Variants in ZNF350 observed in about 807,000 individuals in gnomAD.
ZNF350 encodes KRAB zinc finger protein ZFQR.
A neutral mutation model predicts 13.1 loss-of-function variants in ZNF350; 5 were observed. That is an observed-to-expected ratio of 0.38 (90% CI 0.20 to 0.80). The LOEUF (loss-of-function observed/expected upper bound fraction) is 0.80. Among genes scored for constraint, ZNF350 ranks in the 30% least tolerant of loss-of-function variants. The pLI, the probability that ZNF350 is intolerant of heterozygous loss-of-function variation, is 0.43. For synonymous variants in ZNF350, 199 were observed against 224.2 expected, an observed-to-expected ratio of 0.89 and a Z score of 1.00; for missense variants, 534 against 644.2, an observed-to-expected ratio of 0.83 and a Z score of 1.85.
intron 1 of ZNF350, among the ~76,000 whole-genome samples, chr19:51,978,672 T>G (rs1013268154): frequency 9.9e-5 from 15 of 152,176 alleles, no homozygotes; most frequent in Non-Finnish European, 1.8e-4. Context: ...TGGGAGCTGA[T>G]GTGTCAGTCA....
In ZNF350 at chr19:51,974,326, AC is replaced by A; in HGVS notation, c.15+19del. Reference sequence around the variant, plus strand: ...ATTATGGAACAAAGGAAAGAATAAAACAAACCAAAAGTCAGTTACCTGGGCC... The same window carrying A: ...ATTATGGAACAAAGGAAAGAATAAAAAAACCAAAAGTCAGTTACCTGGGCC... On this transcript the variant is annotated intron_variant, in intron 2 of 4. Coordinates refer to ENST00000243644, the MANE Select transcript of ZNF350 (RefSeq NM_021632.4). 1 of 1,613,750 alleles carries A rather than the reference AC, an allele frequency of 6.2e-7. No individual in the cohort carries two copies. Among genetic ancestry groups the A allele is most frequent in the South Asian group, 1.1e-5 (1 of 91,038 alleles).
chr19:51,977,920 A>C (rs901352525), intron 1 of ZNF350, among the ~76,000 whole-genome samples: 2 of 152,220 alleles, frequency 1.3e-5, no homozygotes, highest in Admixed American at 6.5e-5. Context: ...TCAAACCCTA[A>C]AGTGGGAAAA....
rs2085647739 is a variant in ZNF350 at position 51,968,728 on chromosome 19, C to G, written c.143-55G>C. 8 of 1,553,152 alleles carry G rather than the reference C, an allele frequency of 5.2e-6. No individual in the cohort carries two copies. The Admixed American group carries it at 1.2e-4, about 23-fold the overall frequency. ...ACATATCAAATTGGGCTGGCAATGT[C>G]AAGAAGGAAGAATGTTACATTTCAA... On this transcript the variant is annotated intron_variant, in intron 3 of 4. Coordinates refer to ENST00000243644, the MANE Select transcript of ZNF350 (RefSeq NM_021632.4).
chr19:51,983,874 G>C (rs58116420), intron 1 of ZNF350, among the ~76,000 whole-genome samples: 47,710 of 152,130 alleles, frequency 0.31, 7,764 homozygotes, highest in South Asian at 0.56. Context: ...CTCTGTGTCT[G>C]ATTTCTTTTC....
At chr19:51,974,589 T>G (rs1036570268) in intron 1 of ZNF350, 58 bp from the exon 2 acceptor site, 1 of 523,700 alleles carries the variant, frequency 1.9e-6, no homozygotes, top group African/African-American at 1.9e-5. Flanking sequence ...GCCCAGATAC[T>G]GTCACTGCTG....
intron 4 of ZNF350, among the ~76,000 whole-genome samples, chr19:51,966,625 C>T (rs1313792669): frequency 6.6e-6 from 1 of 150,860 alleles, no homozygotes; most frequent in Non-Finnish European, 1.5e-5. Context: ...AATCCCGGCT[C>T]ACAGCCAAAG....
intron 4 of ZNF350, 67 bp from the exon 5 acceptor site, chr19:51,966,281 G>GTTTTTTTTTT (rs72177430): frequency 2.1e-6 from 3 of 1,409,164 alleles, no homozygotes; most frequent in African/African-American, 3.1e-5. Flanking sequence ...TGGTTTTTTT[G>GTTTTTTTTTT]TTTTTTTTGT....
intron 1 of ZNF350, among the ~76,000 whole-genome samples, chr19:51,985,805 G>C (rs2086148026): frequency 6.6e-6 from 1 of 152,106 alleles, no homozygotes; most frequent in African/African-American, 2.4e-5. Flanking sequence ...TCAGGAGTTC[G>C]AGACCAACCT....
chr19:51,979,376 A>G (rs1417980007), intron 1 of ZNF350, among the ~76,000 whole-genome samples: 2 of 152,178 alleles, frequency 1.3e-5, no homozygotes, highest in Admixed American at 6.5e-5. Context: ...TATCACGATC[A>G]GGGAGAGTGG....
intron 4 of ZNF350, among the ~76,000 whole-genome samples, chr19:51,967,681 C>T (rs933481743): frequency 3.3e-5 from 5 of 151,950 alleles, no homozygotes; most frequent in Admixed American, 1.3e-4. Context: ...TGGAAGTAGG[C>T]GGGAGTTGAG....
At position 51,965,898 on chromosome 19, in the gene ZNF350, G is replaced by A; in HGVS notation, c.555C>T (p.Ile185=). ...GACTGATGAATTGGGACTTAGTGCT[G>A]ATGAGTTTTTGACTTGCAGGGAATT... ...AIKFPASQKL[I]STKSQFISPK... is the part of the protein sequence containing the mutation. The change falls in exon 5 of 5, where the codon ATC becomes ATT. Residue 185 remains isoleucine (I), a synonymous_variant. Transcript: ENST00000243644. The A allele has an allele frequency of 6.2e-7, 1 of 1,614,118 alleles. No homozygotes were observed. The highest frequency in any genetic ancestry group is 8.5e-7 in the Non-Finnish European group (1 of 1,180,034).
intron 2 of ZNF350, among the ~76,000 whole-genome samples, chr19:51,971,729 C>T (rs1329406863): frequency 1.3e-5 from 2 of 151,900 alleles, no homozygotes; most frequent in Non-Finnish European, 2.9e-5. Flanking sequence ...GGCCCTTGTC[C>T]ACTAGAGGCA....
intron 2 of ZNF350, among the ~76,000 whole-genome samples, chr19:51,972,232 G>T (rs1419642886): frequency 6.6e-6 from 1 of 150,698 alleles, no homozygotes; most frequent in Admixed American, 6.6e-5. Context: ...GAGGCAGGAG[G>T]ATTGCTTGAG....
chr19:51,970,597 T>A (rs1008309373), intron 2 of ZNF350, among the ~76,000 whole-genome samples: 8 of 152,182 alleles, frequency 5.3e-5, no homozygotes, highest in African/African-American at 1.9e-4. Context: ...GGCCTCCTAT[T>A]TTTCTGATGG....
At chr19:51,966,653 T>TG (rs983747026) in intron 4 of ZNF350, among the ~76,000 whole-genome samples, 2 of 150,812 alleles carry the variant, frequency 1.3e-5, no homozygotes, top group East Asian at 1.9e-4. Flanking sequence ...TGTTGTTTTT[T>TG]TTTTGTTTTT....
intron 1 of ZNF350, among the ~76,000 whole-genome samples, chr19:51,984,583 T>C (rs1422876541): frequency 1.3e-5 from 2 of 152,196 alleles, no homozygotes; most frequent in African/African-American, 4.8e-5. Flanking sequence ...AAAAGACATT[T>C]ACACAAATTT....
Position 51,968,991 on chromosome 19 carries a change from G to A in ZNF350, c.142+14C>T, listed in dbSNP as rs1168034434. 1 of 1,613,820 alleles carries A rather than the reference G, an allele frequency of 6.2e-7. No homozygotes were observed. Among genetic ancestry groups the A allele is most frequent in the Non-Finnish European group, 8.5e-7 (1 of 1,179,928 alleles). Reference sequence around the variant, plus strand: ...CTAGGCACCCTCTGAGTGACACAGGGCAGCTGTCCTCACCCACTGCCACCA... The same window carrying A: ...CTAGGCACCCTCTGAGTGACACAGGACAGCTGTCCTCACCCACTGCCACCA... On this transcript the variant is annotated intron_variant, in intron 3 of 4. Coordinates refer to ENST00000243644, the MANE Select transcript of ZNF350 (RefSeq NM_021632.4).
chr19:51,985,673 A>G (rs1442931141), intron 1 of ZNF350, among the ~76,000 whole-genome samples: 1 of 152,182 alleles, frequency 6.6e-6, no homozygotes, highest in Non-Finnish European at 1.5e-5. Flanking sequence ...TCTGTTAAGA[A>G]AGTGTGAATA....
chr19:51,985,205 A>G (rs923975584), intron 1 of ZNF350, among the ~76,000 whole-genome samples: 1 of 152,124 alleles, frequency 6.6e-6, no homozygotes, highest in Non-Finnish European at 1.5e-5. Context: ...CAACCATACC[A>G]AACAGTTTAC....
Sources: allele counts gnomAD v4.1 joint callset (sites outside exome capture counted in the v4.1 genomes callset), GRCh38; gene constraint gnomAD v4.1.1; transcripts MANE v1.5; gene names NCBI Gene and HGNC (gene_info 2026-07-23, HGNC 2026-07-21).